SYT3: variants seen among roughly 807,000 people sequenced by gnomAD.
SYT3 encodes synaptotagmin 3.
In SYT3, 25 loss-of-function variants were observed where a neutral mutation model predicts 50.6. That is an observed-to-expected ratio of 0.49 (90% CI 0.36 to 0.69). The LOEUF (loss-of-function observed/expected upper bound fraction) is 0.69. Ranked by LOEUF, SYT3 falls within the 30% of genes least tolerant of loss-of-function variation. The probability of loss-of-function intolerance (pLI) is 0.00; values close to 1 mark genes in which losing one functional copy is unlikely to be tolerated. For synonymous variants in SYT3, 323 were observed against 353.9 expected, an observed-to-expected ratio of 0.91 and a Z score of 0.98; for missense variants, 589 against 793.6, an observed-to-expected ratio of 0.74 and a Z score of 3.10.
chr19:50,625,196 C>T lies in SYT3; in HGVS notation c.1673G>A (p.Arg558His), dbSNP rs1568760212. 1.2e-6 allele frequency: 2 copies of T among 1,602,070 alleles called. No homozygotes were observed. Among genetic ancestry groups the T allele is most frequent in the South Asian group, 1.1e-5 (1 of 90,036 alleles). Reference sequence around the variant, plus strand: ...CTGATGCCAGTGCTCCACGGGCTTGCGGGGATTGGCCAGCATCTCTGCCCA... The same window carrying T: ...CTGATGCCAGTGCTCCACGGGCTTGTGGGGATTGGCCAGCATCTCTGCCCA... The part of the protein sequence containing the change: ...EHWAEMLANP[R>H]KPVEHWHQLV... The change falls in exon 9 of 11, where the codon CGC (arginine) becomes CAC (histidine). Residue 558 changes from arginine (R) to histidine (H), a missense_variant. Arg to His is a conservative substitution (Grantham distance 29). Transcript: ENST00000600079. This position sits in a 1 kb window ranked among gnomAD's most constrained non-coding sequence, Gnocchi z 7.5.
rs1260350561 is a variant in SYT3, at chr19:50,632,368, A to G, written c.592T>C (p.Leu198=). ...LPSEGGAGSG[L]LLLPPSGGGL... ...CCACCACTGGGGGGCAGCAGGAGCAACCCAGAGCCTGCTCCCCCCTCAGAG... is the reference window on the plus strand; with the variant it reads ...CCACCACTGGGGGGCAGCAGGAGCAGCCCAGAGCCTGCTCCCCCCTCAGAG... Residue 198 remains leucine, a synonymous_variant, in exon 4 of 11, where the codon TTG becomes CTG. Coordinates refer to ENST00000600079, the MANE Select transcript of SYT3 (RefSeq NM_001160329.2). The surrounding 1 kb of genome is among the most constrained non-coding windows in gnomAD (Gnocchi z 4.7). 1 of 1,612,248 alleles carries G rather than the reference A, an allele frequency of 6.2e-7. No homozygotes were observed. The highest frequency in any genetic ancestry group is 8.5e-7 in the Non-Finnish European group (1 of 1,178,746).
At chr19:50,622,564 G>C in intron 10 of SYT3, 83 bp from the exon 11 acceptor site, 1 of 754,694 alleles carries the variant, frequency 1.3e-6, no homozygotes, top group South Asian at 1.5e-5. Flanking sequence ...ACCACCCAGA[G>C]ATCCAGGAGT....
chr19:50,637,173 C>T lies in SYT3; in HGVS notation c.148+91G>A. The T allele has an allele frequency of 6.7e-7, 1 of 1,497,556 alleles. No homozygotes were observed. Among genetic ancestry groups the T allele is most frequent in the Non-Finnish European group, 9.1e-7 (1 of 1,095,580 alleles). The allele number at this position is 1,497,556 out of a possible 1,614,324, so 92.8% of individuals were successfully genotyped here. ...GGCAAGACGCTACGAGGGACTGACC[C>T]CACAAGCAATGGAAAGCTGAGCAGT... On this transcript the variant is annotated intron_variant, in intron 3 of 10. Coordinates refer to ENST00000600079, the MANE Select transcript of SYT3 (RefSeq NM_001160329.2). The surrounding 1 kb of genome is among the most constrained non-coding windows in gnomAD (Gnocchi z 4.9).
In SYT3 at chr19:50,625,669, G is replaced by GCCCCAGGC; in HGVS notation, c.1403-113_1403-106dup. ...CCTCCCTCAGACCCAGAGGTCCGGG[G>GCCCCAGGC]CCCCAGGCCCCCAGTCCCTCCTTCC... On this transcript the variant is annotated intron_variant, in intron 7 of 10. Coordinates refer to ENST00000600079, the MANE Select transcript of SYT3 (RefSeq NM_001160329.2). The surrounding 1 kb of genome is among the most constrained non-coding windows in gnomAD (Gnocchi z 7.5). 7.0e-7 allele frequency: 1 copy of GCCCCAGGC among 1,420,370 alleles called. No homozygotes were observed. Among genetic ancestry groups the GCCCCAGGC allele is most frequent in the African/African-American group, 1.5e-5 (1 of 66,984 alleles). 88.0% of individuals were successfully genotyped at this position (1,420,370 alleles called of 1,614,324 possible).
chr19:50,649,678 C>A, the SYT3 span: 2 of 764,964 alleles, frequency 2.6e-6, no homozygotes, highest in Non-Finnish European at 4.5e-6. Context: ...CCCCCTTGGA[C>A]CTCAAACTAC....
chr19:50,649,649 C>G, the SYT3 span: 1 of 1,000,568 alleles, frequency 1.0e-6, no homozygotes, highest in South Asian at 1.4e-5. Context: ...CCTGGATTCA[C>G]CAGATTCCTG....
At chr19:50,627,652 G>A (rs78081759) in intron 6 of SYT3, among the ~76,000 whole-genome samples, 9,682 of 151,478 alleles carry the variant, frequency 0.064, 332 homozygotes, top group South Asian at 0.13. Context: ...ACTTGAACCC[G>A]GGAGGTGGAG....
chr19:50,634,499 T>C (rs940751056), intron 3 of SYT3, among the ~76,000 whole-genome samples: 1 of 150,738 alleles, frequency 6.6e-6, no homozygotes, highest in Non-Finnish European at 1.5e-5. Flanking sequence ...AGAGAGGAAG[T>C]GGCCCTGCAG....
At chr19:50,655,478 G>A in the SYT3 span, among the ~76,000 whole-genome samples, 67 of 152,070 alleles carry the variant, frequency 4.4e-4, no homozygotes, top group South Asian at 1.9e-3. Context: ...GTGAAACCCC[G>A]TCTCTACTAA....
chr19:50,652,523 C>T, the SYT3 span, among the ~76,000 whole-genome samples: 3 of 152,166 alleles, frequency 2.0e-5, no homozygotes, highest in Admixed American at 1.3e-4. Flanking sequence ...GAGATCCACG[C>T]AGAGTTACAG....
chr19:50,643,482 A>G (rs1174027320), upstream of SYT3, among the ~76,000 whole-genome samples: 1 of 151,954 alleles, frequency 6.6e-6, no homozygotes, highest in Non-Finnish European at 1.5e-5. Flanking sequence ...AGAAAAAACA[A>G]AAAACGGAGT....
In SYT3 at chr19:50,632,826, G is replaced by A. The variant is rs759277948; in HGVS notation, c.149-15C>T. On this transcript the variant is annotated splice_polypyrimidine_tract_variant and intron_variant, in intron 3 of 10. Coordinates refer to ENST00000600079, the MANE Select transcript of SYT3 (RefSeq NM_001160329.2). The surrounding 1 kb of genome is among the most constrained non-coding windows in gnomAD (Gnocchi z 4.7). ...CACGGAGATGTCTGGAGAGAACGAG[G>A]ACAGAGGTAGGGGTCAGGATGGGGT... 6.7e-7 allele frequency: 1 copy of A among 1,492,232 alleles called. No homozygotes were observed. The highest frequency in any genetic ancestry group is 2.2e-5 in the Admixed American group (1 of 45,592). 92.4% of individuals were successfully genotyped at this position (1,492,232 alleles called of 1,614,324 possible).
intron 4 of SYT3, among the ~76,000 whole-genome samples, chr19:50,630,779 C>A (rs1984274199): frequency 6.6e-6 from 1 of 152,150 alleles, no homozygotes; most frequent in Admixed American, 6.5e-5. Flanking sequence ...AACCAGCTTC[C>A]AGTAACCTCT....
At chr19:50,644,589 T>C (rs1984732962), upstream of SYT3, among the ~76,000 whole-genome samples, 1 of 150,392 alleles carries the variant, frequency 6.6e-6, no homozygotes, top group South Asian at 2.1e-4. Context: ...GCTGCAGAAA[T>C]AGACGAAGGG....
At chr19:50,650,847 C>A in the SYT3 span, among the ~76,000 whole-genome samples, 2 of 152,200 alleles carry the variant, frequency 1.3e-5, no homozygotes, top group African/African-American at 4.8e-5. Context: ...CTTTTGAAGG[C>A]ATCTTTCTTT....
At chr19:50,652,378 G>A in the SYT3 span, among the ~76,000 whole-genome samples, 3 of 152,110 alleles carry the variant, frequency 2.0e-5, no homozygotes, top group Non-Finnish European at 4.4e-5. Flanking sequence ...GAAGACGTAG[G>A]GAAGACAGAG....
chr19:50,626,863 T>C (rs1185080753), intron 6 of SYT3, among the ~76,000 whole-genome samples: 1 of 149,998 alleles, frequency 6.7e-6, no homozygotes, highest in Non-Finnish European at 1.5e-5. Context: ...GAGAGAGTGA[T>C]AGTTACCTAG....
intron 9 of SYT3, among the ~76,000 whole-genome samples, chr19:50,623,427 A>C (rs1869393997): frequency 6.6e-6 from 1 of 151,988 alleles, no homozygotes; most frequent in African/African-American, 2.4e-5. Context: ...TGAAAGTTTC[A>C]CCCAGTACTA....
At chr19:50,651,502 G>A in the SYT3 span, among the ~76,000 whole-genome samples, 5 of 152,138 alleles carry the variant, frequency 3.3e-5, no homozygotes, top group Non-Finnish European at 5.9e-5. Flanking sequence ...TGAAAGGGCA[G>A]AGGTGTGTCT....
Sources: gnomAD v4.1 joint callset for allele counts (sites outside exome capture counted in the v4.1 genomes callset) on GRCh38, gnomAD v4.1.1 for gene constraint, Gnocchi (gnomAD v3.1) non-coding constraint, MANE v1.5 for transcripts, NCBI Gene and HGNC (gene_info 2026-07-23, HGNC 2026-07-21) for gene names.